Variants in MARCHF1 observed in about 807,000 individuals in gnomAD.
MARCHF1 encodes the protein membrane associated ring-CH-type finger 1.
A neutral mutation model predicts 54.2 loss-of-function variants in MARCHF1; 40 were observed. The ratio of observed to expected loss-of-function variants is 0.74; its 90% CI spans 0.57 to 0.96. The LOEUF is 0.96. Among genes scored for constraint, MARCHF1 ranks in the 40% least tolerant of loss-of-function variants. The pLI is 0.00. For synonymous variants in MARCHF1, 236 were observed against 236.3 expected, an observed-to-expected ratio of 1.00 and a Z score of 0.01; for missense variants, 586 against 656.5, an observed-to-expected ratio of 0.89 and a Z score of 1.17.
At chr4:164,183,754 A>G (rs907362056) in intron 1 of MARCHF1, among the ~76,000 whole-genome samples, 6 of 152,216 alleles carry the variant, frequency 3.9e-5, no homozygotes, top group Non-Finnish European at 7.3e-5. Flanking sequence ...GAAGAAGCCA[A>G]CCATAACCCG....
chr4:164,240,736 T>C (rs939531678), intron 1 of MARCHF1, among the ~76,000 whole-genome samples: 2 of 152,090 alleles, frequency 1.3e-5, no homozygotes, highest in Admixed American at 6.6e-5. Context: ...AAACTGACTA[T>C]GGGAAAAATT....
chr4:163,809,825 A>G (rs1028756774), intron 4 of MARCHF1, among the ~76,000 whole-genome samples: 1 of 152,194 alleles, frequency 6.6e-6, no homozygotes, highest in African/African-American at 2.4e-5. Flanking sequence ...AATGTTAAGA[A>G]CTGAGTTGTA....
intron 7 of MARCHF1, among the ~76,000 whole-genome samples, chr4:163,598,204 A>G (rs1425262956): frequency 6.6e-6 from 1 of 152,192 alleles, no homozygotes; most frequent in Admixed American, 6.5e-5. Flanking sequence ...CTTCAACCGC[A>G]TCATTTGCAT....
intron 2 of MARCHF1, among the ~76,000 whole-genome samples, chr4:164,039,967 TTA>T (rs368367511): frequency 2.8e-4 from 40 of 145,022 alleles, no homozygotes; most frequent in Admixed American, 7.7e-4. Context: ...CCTCATGAAA[TTA>T]TATATATATA....
At chr4:163,803,088 AG>A (rs1290156640) in intron 4 of MARCHF1, among the ~76,000 whole-genome samples, 6 of 152,206 alleles carry the variant, frequency 3.9e-5, no homozygotes, top group African/African-American at 9.6e-5. Flanking sequence ...TGGAAGGAGC[AG>A]TTCACACGGT....
Position 164,361,781 on chromosome 4 carries a change from G to T in MARCHF1, c.-323+22089C>A, listed in dbSNP as rs115012664. Among the ~76,000 whole-genome samples, 666 of 152,026 alleles carry T rather than the reference G, an allele frequency of 4.4e-3. 5 individuals are homozygous for T. Among genetic ancestry groups the T allele is most frequent in the African/African-American group, 0.015 (622 of 41,464 alleles). On this transcript the variant is annotated intron_variant, in intron 1 of 9. Transcript: ENST00000514618. ...TTACTAAGGAAGGACTTAATAAATG[G>T]GTAAGTATACAAACTTCTGGAATGG... is the stretch of plus-strand genomic sequence containing the variant.
At chr4:164,117,102 A>T (rs1422313681) in intron 1 of MARCHF1, among the ~76,000 whole-genome samples, 1 of 151,960 alleles carries the variant, frequency 6.6e-6, no homozygotes, top group Non-Finnish European at 1.5e-5. Flanking sequence ...TACTAAAAAT[A>T]CAAAAATTAG....
At chr4:164,245,296 G>A (rs1179153334) in intron 1 of MARCHF1, among the ~76,000 whole-genome samples, 8 of 151,298 alleles carry the variant, frequency 5.3e-5, no homozygotes, top group Non-Finnish European at 5.9e-5. Flanking sequence ...ATGCAAGGCT[G>A]GTTCAAACCA....
chr4:164,274,595 G>A (rs1412221086), intron 1 of MARCHF1, among the ~76,000 whole-genome samples: 1 of 148,732 alleles, frequency 6.7e-6, no homozygotes, highest in Non-Finnish European at 1.5e-5. Flanking sequence ...TTAGGTTTGA[G>A]GTATGACCAT....
chr4:163,579,757 G>A (rs6821802), intron 8 of MARCHF1, among the ~76,000 whole-genome samples: 21,088 of 151,912 alleles, frequency 0.14, 1,909 homozygotes, highest in African/African-American at 0.24. Flanking sequence ...GCTATACTAC[G>A]GGAGAAATTT....
chr4:163,943,027 C>A (rs1751947698), intron 3 of MARCHF1, among the ~76,000 whole-genome samples: 1 of 151,208 alleles, frequency 6.6e-6, no homozygotes, highest in Admixed American at 6.6e-5. Flanking sequence ...CATATCTTTG[C>A]CCACTTTTTA....
At chr4:163,933,114 A>T in intron 3 of MARCHF1, 1 of 1,146,706 alleles carries the variant, frequency 8.7e-7, no homozygotes, top group South Asian at 1.3e-5. Flanking sequence ...TGATGAGGCC[A>T]TTGCAGAACT....
chr4:163,713,821 AT>A (rs1745180101), intron 4 of MARCHF1, among the ~76,000 whole-genome samples: 1 of 152,222 alleles, frequency 6.6e-6, no homozygotes, highest in Non-Finnish European at 1.5e-5. Flanking sequence ...TTTCACCTGT[AT>A]GATACAACCA....
chr4:164,133,199 A>T (rs538610066), intron 1 of MARCHF1, among the ~76,000 whole-genome samples: 35 of 152,286 alleles, frequency 2.3e-4, no homozygotes, highest in African/African-American at 6.7e-4. Flanking sequence ...CAGAATGCGT[A>T]TATTCTAGGG....
At chr4:164,118,642 T>C (rs1005836745) in intron 1 of MARCHF1, among the ~76,000 whole-genome samples, 2 of 151,602 alleles carry the variant, frequency 1.3e-5, no homozygotes, top group Non-Finnish European at 2.9e-5. Flanking sequence ...TAAAATTCAA[T>C]TCTGTTCTCA....
intron 9 of MARCHF1, among the ~76,000 whole-genome samples, chr4:163,543,068 A>G (rs540283962): frequency 5.3e-5 from 8 of 152,174 alleles, no homozygotes; most frequent in Non-Finnish European, 8.8e-5. Flanking sequence ...GCTGGCTTCA[A>G]CTAGGTCACG....
At chr4:164,212,678 G>A (rs769889301) in intron 1 of MARCHF1, among the ~76,000 whole-genome samples, 8 of 152,140 alleles carry the variant, frequency 5.3e-5, no homozygotes, top group East Asian at 1.9e-4. Flanking sequence ...AAGATCCACT[G>A]ATGTTCAAGT....
chr4:163,548,287 TTC>T (rs1202639508), intron 8 of MARCHF1, among the ~76,000 whole-genome samples: 1 of 152,212 alleles, frequency 6.6e-6, no homozygotes, highest in Non-Finnish European at 1.5e-5. Context: ...TTTTTAAAGT[TTC>T]TGTGTTGCAA....
intron 3 of MARCHF1, among the ~76,000 whole-genome samples, chr4:163,937,325 G>A (rs944625924): frequency 6.6e-6 from 1 of 151,702 alleles, no homozygotes; most frequent in Admixed American, 6.6e-5. Context: ...GCAGAGTAGA[G>A]TTTTTATTTT....
Sources: gnomAD v4.1 joint callset for allele counts (sites outside exome capture counted in the v4.1 genomes callset) on GRCh38, gnomAD v4.1.1 for gene constraint, MANE v1.5 for transcripts, NCBI Gene and HGNC (gene_info 2026-07-23, HGNC 2026-07-21) for gene names.